The following RNF185 variants were observed in gnomAD, a reference collection of about 807,000 sequenced individuals.
RNF185 encodes the protein ring finger protein 185.
In RNF185, 13 loss-of-function variants were observed where a neutral mutation model predicts 24.9. That is an observed-to-expected ratio of 0.52 (90% CI 0.34 to 0.83). The LOEUF (loss-of-function observed/expected upper bound fraction) is 0.83. Ranked by LOEUF, RNF185 falls within the 40% of genes least tolerant of loss-of-function variation. The pLI is 0.01. For missense variants in RNF185, 184 were observed against 244.7 expected (o/e 0.75, Z 1.65); for synonymous variants, 79 against 90.3 (o/e 0.88, Z 0.71).
intron 1 of RNF185, among the ~76,000 whole-genome samples, chr22:31,186,456 G>A (rs141390087): frequency 1.3e-5 from 2 of 151,772 alleles, no homozygotes; most frequent in Admixed American, 1.3e-4. Context: ...ACAAAAATTA[G>A]CCAGGTGTGG....
intron 1 of RNF185, among the ~76,000 whole-genome samples, chr22:31,179,085 G>A (rs2048009599): frequency 6.6e-6 from 1 of 152,180 alleles, no homozygotes; most frequent in South Asian, 2.1e-4. Context: ...GTGGATTCTG[G>A]TCAGGAGAAA....
In RNF185 at chr22:31,196,109, A is replaced by G. The variant is rs141231489; in HGVS notation, c.308+528A>G. On this transcript the variant is annotated intron_variant, in intron 4 of 6. Transcript: ENST00000326132. ...TACCCGACATATTAGACTTTCTCTT[A>G]AAGGGACTTGCTCTTTCACATTTAT... Among the ~76,000 whole-genome samples the G allele has an allele frequency of 2.4e-3, 369 of 152,248 alleles. 4 individuals carry two copies. Among genetic ancestry groups the G allele is most frequent in the East Asian group, 0.016 (85 of 5,184 alleles).
At chr22:31,179,327 C>T (rs771836040) in intron 1 of RNF185, among the ~76,000 whole-genome samples, 1 of 152,168 alleles carries the variant, frequency 6.6e-6, no homozygotes, top group African/African-American at 2.4e-5. Context: ...TGTAGGTGCT[C>T]AGTAGACAAT....
At chr22:31,189,897 ATTTTTTT>A (rs942473763) in intron 2 of RNF185, among the ~76,000 whole-genome samples, 10 of 150,290 alleles carry the variant, frequency 6.7e-5, no homozygotes, top group South Asian at 6.3e-4. Context: ...CCTGCTATCA[ATTTTTTT>A]TTTAAAGGCA....
At chr22:31,164,123 A>G (rs1037846230) in intron 1 of RNF185, among the ~76,000 whole-genome samples, 19 of 151,886 alleles carry the variant, frequency 1.3e-4, no homozygotes, top group African/African-American at 4.1e-4. Context: ...CTGGGATTAC[A>G]GGCATGTGCC....
At chr22:31,176,276 G>A (rs1480171294) in intron 1 of RNF185, among the ~76,000 whole-genome samples, 5 of 146,316 alleles carry the variant, frequency 3.4e-5, no homozygotes, top group South Asian at 2.1e-4. Context: ...TCGCTCTGTC[G>A]CCCAGGCTGG....
intron 1 of RNF185, among the ~76,000 whole-genome samples, chr22:31,185,885 A>C (rs1568967313): frequency 6.6e-6 from 1 of 152,118 alleles, no homozygotes; most frequent in Non-Finnish European, 1.5e-5. Context: ...TTTAGTATGT[A>C]GTGGTACGGT....
intron 1 of RNF185, among the ~76,000 whole-genome samples, chr22:31,165,462 G>A (rs988328546): frequency 2.6e-5 from 4 of 152,224 alleles, no homozygotes; most frequent in African/African-American, 9.6e-5. Context: ...TTGTTATCGT[G>A]TACAATTTTG....
chr22:31,167,254 A>G (rs1923983421), intron 1 of RNF185, among the ~76,000 whole-genome samples: 1 of 152,078 alleles, frequency 6.6e-6, no homozygotes, highest in South Asian at 2.1e-4. Flanking sequence ...TGCAGCCTCA[A>G]CCTCTGAGGC....
intron 2 of RNF185, among the ~76,000 whole-genome samples, chr22:31,191,974 T>C (rs886173450): frequency 3.3e-5 from 5 of 152,052 alleles, no homozygotes; most frequent in African/African-American, 1.2e-4. Context: ...ATGCAGTTCA[T>C]TTTATGTTTC....
At chr22:31,171,049 T>A (rs866551331) in intron 1 of RNF185, among the ~76,000 whole-genome samples, 3 of 152,160 alleles carry the variant, frequency 2.0e-5, no homozygotes, top group Non-Finnish European at 4.4e-5. Flanking sequence ...CACTATCATC[T>A]CTGCCAAGGC....
At position 31,163,697 on chromosome 22, in the gene RNF185, G is replaced by A. The variant is rs537287249; in HGVS notation, c.-49+3394G>A. 8.4e-3 allele frequency among the ~76,000 whole-genome samples: 603 copies of A among 71,416 alleles called. 4 individuals are homozygous for A. Among genetic ancestry groups the A allele is most frequent in the South Asian group, 0.036 (69 of 1,928 alleles). The allele number at this position is 71,416 out of a possible 152,430, so 46.9% of individuals were successfully genotyped here. On this transcript the variant is annotated intron_variant, in intron 1 of 6. Transcript: ENST00000326132. ...ATTTATTTATTTATTTATTTGAAAC[G>A]GAGTCTCACTCTGTCCTCCAGGCTG...
chr22:31,180,915 C>CTCTGTGTGTG (rs1555881705), intron 1 of RNF185, among the ~76,000 whole-genome samples: 1 of 96,884 alleles, frequency 1.0e-5, no homozygotes, highest in Admixed American at 1.1e-4. Flanking sequence ...CTCTCTCTCT[C>CTCTGTGTGTG]TGTGTGTGTG....
chr22:31,200,279 C>G (rs1437632206), intron 5 of RNF185, among the ~76,000 whole-genome samples: 1 of 152,120 alleles, frequency 6.6e-6, no homozygotes, highest in African/African-American at 2.4e-5. Context: ...ATTGCTTGAG[C>G]CTGGGAGGTT....
At chr22:31,198,316 G>A (rs931801620) in intron 5 of RNF185, among the ~76,000 whole-genome samples, 8 of 150,586 alleles carry the variant, frequency 5.3e-5, no homozygotes, top group African/African-American at 1.7e-4. Flanking sequence ...TGTAATTTGG[G>A]TTTTCCTCAT....
rs2413035 is a variant in RNF185 at position 31,204,474 on chromosome 22, T to A, written c.482-15T>A. ...AGTGTTCTAATAGCCTGTTTTCTCC[T>A]TTCTGTCTCTCCAGCTGTCCCTGGG... On this transcript the variant is annotated splice_polypyrimidine_tract_variant and intron_variant, in intron 6 of 6. Coordinates refer to ENST00000326132, the MANE Select transcript of RNF185 (RefSeq NM_152267.4). The A allele has an allele frequency of 6.3e-7, 1 of 1,589,440 alleles. No homozygotes were observed. Among genetic ancestry groups the A allele is most frequent in the Non-Finnish European group, 8.6e-7 (1 of 1,157,640 alleles).
intron 1 of RNF185, among the ~76,000 whole-genome samples, chr22:31,176,397 C>T (rs2047982691): frequency 6.6e-6 from 1 of 151,946 alleles, no homozygotes; most frequent in African/African-American, 2.4e-5. Flanking sequence ...GCCTCAGCCT[C>T]CCAAAGTGCT....
chr22:31,170,848 G>A (rs1162051662), intron 1 of RNF185, among the ~76,000 whole-genome samples: 1 of 151,912 alleles, frequency 6.6e-6, no homozygotes, highest in Non-Finnish European at 1.5e-5. Context: ...TTATTTTTGA[G>A]ACAAGGTCTT....
intron 1 of RNF185, among the ~76,000 whole-genome samples, chr22:31,161,612 T>G (rs1362814971): frequency 6.6e-6 from 1 of 152,244 alleles, no homozygotes; most frequent in African/African-American, 2.4e-5. Context: ...TGGAAATGCC[T>G]CTGAAGATTT....
Sources: gnomAD v4.1 joint callset for allele counts (sites outside exome capture counted in the v4.1 genomes callset) on GRCh38, gnomAD v4.1.1 for gene constraint, MANE v1.5 for transcripts, NCBI Gene and HGNC (gene_info 2026-07-23, HGNC 2026-07-21) for gene names.